The following DSC3 variants were observed in gnomAD, a reference collection of about 807,000 sequenced individuals.
DSC3 encodes desmocollin-3.
In DSC3, 97 loss-of-function variants were observed where a neutral mutation model predicts 89.5. The ratio of observed to expected loss-of-function variants is 1.08; its 90% confidence interval spans 0.92 to 1.28. The LOEUF is 1.28. DSC3 is among the 50% of genes most tolerant of loss of function. The pLI is 0.00. For missense variants in DSC3, 1,199 were observed against 1,085.3 expected, an observed-to-expected ratio of 1.10 and a Z score of -1.47; for synonymous variants, 436 against 384.1, an observed-to-expected ratio of 1.14 and a Z score of -1.58.
In DSC3 at chr18:30,991,551, C is replaced by T. The variant is rs1473304158; in HGVS notation, c.*2624G>A. The T allele has an allele frequency of 6.6e-6, 1 of 152,150 alleles. No homozygotes were observed. The highest frequency in any genetic ancestry group is 1.5e-5 in the Non-Finnish European group (1 of 68,042). The allele number at this position is 152,150 out of a possible 1,614,324, so 9.4% of individuals were successfully genotyped here. Reference sequence around the variant, plus strand: ...AGGTTTTATAAACAGGGAAGTGATACTGGTTGCTCTTTGAGAAAGTTTATC... The same window carrying T: ...AGGTTTTATAAACAGGGAAGTGATATTGGTTGCTCTTTGAGAAAGTTTATC... On this transcript the variant is annotated 3_prime_UTR_variant, in exon 16 of 16. Coordinates refer to ENST00000360428, the MANE Select transcript of DSC3 (RefSeq NM_001941.5).
intron 1 of DSC3, among the ~76,000 whole-genome samples, chr18:31,037,338 A>T (rs1263631845): frequency 6.6e-6 from 1 of 152,170 alleles, no homozygotes; most frequent in East Asian, 1.9e-4. Flanking sequence ...TTTTCTATGT[A>T]GTTAATCCTG....
At chr18:31,042,178 T>A (rs1986155293) in intron 1 of DSC3, among the ~76,000 whole-genome samples, 1 of 152,046 alleles carries the variant, frequency 6.6e-6, no homozygotes, top group South Asian at 2.1e-4. Context: ...GGGCAGCCCC[T>A]AAATCCCTTT....
intron 12 of DSC3, among the ~76,000 whole-genome samples, chr18:31,005,550 G>T (rs188518471): frequency 2.0e-4 from 31 of 152,010 alleles, no homozygotes; most frequent in African/African-American, 7.2e-4. Context: ...CAACCTCTTG[G>T]CATTCTTACT....
At position 30,994,392 on chromosome 18, in the gene DSC3, A is replaced by G; in HGVS notation, c.2494-20T>C. On this transcript the variant is annotated intron_variant, in intron 15 of 15. Transcript: ENST00000360428. ...CAATTTCTGTAAAATTTTTTAAAAAATGAATTGCATTATAGTTTTAAACAA... is the reference window on the plus strand; with the variant it reads ...CAATTTCTGTAAAATTTTTTAAAAAGTGAATTGCATTATAGTTTTAAACAA... The G allele has an allele frequency of 1.2e-6, 2 of 1,610,322 alleles. No individual in the cohort carries two copies. Among genetic ancestry groups the G allele is most frequent in the Non-Finnish European group, 1.7e-6 (2 of 1,177,306 alleles).
chr18:31,042,561 C>T (rs1330062440), intron 1 of DSC3, 31 bp downstream of exon 1: 31 of 1,548,502 alleles, frequency 2.0e-5, no homozygotes, highest in African/African-American at 4.1e-5. Context: ...CCCGTCCCCA[C>T]CCCAGCCCTA....
chr18:31,004,672 A>G (rs1476125791), intron 12 of DSC3, among the ~76,000 whole-genome samples: 1 of 152,186 alleles, frequency 6.6e-6, no homozygotes, highest in Non-Finnish European at 1.5e-5. Context: ...CATACACTTC[A>G]AGCATTTTTC....
chr18:31,026,567 G>T (rs1242354922), intron 4 of DSC3, among the ~76,000 whole-genome samples: 11 of 152,084 alleles, frequency 7.2e-5, no homozygotes, highest in Admixed American at 2.6e-4. Context: ...AGCCATAGGG[G>T]TGGTGAGAAG....
At chr18:30,995,665 G>A (rs1451682517) in intron 15 of DSC3, among the ~76,000 whole-genome samples, 1 of 152,102 alleles carries the variant, frequency 6.6e-6, no homozygotes, top group Non-Finnish European at 1.5e-5. Context: ...CATTAGTTAT[G>A]TTTTAAAAGC....
chr18:31,022,507 A>C lies in DSC3; in HGVS notation c.776-5T>G. ...AAACCACCCCCACTGTAGTACCTAC[A>C]CATTAAAAAATAAAACAGCCTTTAA... On this transcript the variant is annotated splice_polypyrimidine_tract_variant and splice_region_variant and intron_variant, in intron 6 of 15. Coordinates refer to ENST00000360428, the MANE Select transcript of DSC3 (RefSeq NM_001941.5). 1 of 1,613,992 alleles carries C rather than the reference A, an allele frequency of 6.2e-7. No individual in the cohort carries two copies.
Position 31,028,631 on chromosome 18 carries a change from T to A in DSC3, c.474+878A>T, listed in dbSNP as rs148163607. On this transcript the variant is annotated intron_variant, in intron 4 of 15. Coordinates refer to ENST00000360428, the MANE Select transcript of DSC3 (RefSeq NM_001941.5). ...AAACTGAAACAATTAGTACACAGGT[T>A]ACACCATTAGTATTAAATATCAAGC... Among the ~76,000 whole-genome samples the A allele has an allele frequency of 4.9e-3, 739 of 152,182 alleles. 2 individuals carry two copies. Among genetic ancestry groups the A allele is most frequent in the Non-Finnish European group, 6.0e-3 (408 of 67,966 alleles).
chr18:31,036,329 A>T (rs1567962848), intron 1 of DSC3, among the ~76,000 whole-genome samples: 4 of 151,766 alleles, frequency 2.6e-5, no homozygotes, highest in Non-Finnish European at 1.5e-5. Flanking sequence ...TCTTGTGTTT[A>T]TTTGCCATTT....
intron 4 of DSC3, among the ~76,000 whole-genome samples, chr18:31,026,985 T>G (rs1468627225): frequency 1.3e-5 from 2 of 152,102 alleles, no homozygotes; most frequent in Non-Finnish European, 2.9e-5. Flanking sequence ...TAGAACCTTT[T>G]TACCAGATCA....
At chr18:30,998,721 G>A (rs1984556102) in intron 14 of DSC3, among the ~76,000 whole-genome samples, 1 of 152,178 alleles carries the variant, frequency 6.6e-6, no homozygotes, top group South Asian at 2.1e-4. Flanking sequence ...AAACCAAAGT[G>A]GCAGGACCCT....
At chr18:31,027,479 C>CCTTCCTTT (rs1365704045) in intron 4 of DSC3, among the ~76,000 whole-genome samples, 1 of 151,692 alleles carries the variant, frequency 6.6e-6, no homozygotes, top group African/African-American at 2.4e-5. Flanking sequence ...TTCCTTCCTT[C>CCTTCCTTT]CTTCCTTCCT....
chr18:31,006,771 A>G, intron 12 of DSC3, 136 bp downstream of exon 12: 2 of 707,590 alleles, frequency 2.8e-6, no homozygotes, highest in South Asian at 3.6e-5. Context: ...ATATTTGTAA[A>G]AGGTTAGTTT....
At position 30,990,339 on chromosome 18, in the gene DSC3, C is replaced by T. The variant is rs1242245713; in HGVS notation, c.*3836G>A. ...TGTCCATGCTTCTCAACCATTATGA[C>T]CCAATATTCAACCAAATCAATACTG... On this transcript the variant is annotated 3_prime_UTR_variant, in exon 16 of 16. Transcript: ENST00000360428. 1 of 152,102 alleles carries T rather than the reference C, an allele frequency of 6.6e-6. No individual in the cohort carries two copies. The highest frequency in any genetic ancestry group is 1.5e-5 in the Non-Finnish European group (1 of 68,024). The allele number at this position is 152,102 out of a possible 1,614,324, so 9.4% of individuals were successfully genotyped here. A position where few individuals can be genotyped will look rare whatever the true frequency, so the allele number is the denominator to read the frequency against.
At chr18:31,018,555 TA>T (rs1262777351) in intron 8 of DSC3, 110 bp downstream of exon 8, 1 of 1,200,472 alleles carries the variant, frequency 8.3e-7, no homozygotes, top group Non-Finnish European at 1.2e-6. Context: ...ATTCATAAAA[TA>T]CGTATACGTC....
chr18:31,002,759 TA>T (rs1984708950), intron 13 of DSC3, among the ~76,000 whole-genome samples: 1 of 151,972 alleles, frequency 6.6e-6, no homozygotes, highest in Admixed American at 6.6e-5. Context: ...ATTCAAATTT[TA>T]CAGTCCATAT....
chr18:31,030,741 G>C (rs933849697), intron 3 of DSC3, among the ~76,000 whole-genome samples: 9 of 151,578 alleles, frequency 5.9e-5, no homozygotes, highest in African/African-American at 1.9e-4. Flanking sequence ...GAAAAGGAAG[G>C]GGAAAAGGAA....
Sources: allele counts gnomAD v4.1 joint callset (sites outside exome capture counted in the v4.1 genomes callset), GRCh38; gene constraint gnomAD v4.1.1; transcripts MANE v1.5; gene names NCBI Gene and HGNC (gene_info 2026-07-23, HGNC 2026-07-21).